ATG7: variants seen among roughly 807,000 people sequenced by gnomAD.
ATG7 encodes the protein autophagy related 7, also known as ubiquitin-like modifier-activating enzyme ATG7.
Under a neutral mutation model 82.4 loss-of-function variants are expected in ATG7, and 70 were observed. The observed-to-expected ratio is 0.85, with a 90% CI of 0.70 to 1.04. The LOEUF (loss-of-function observed/expected upper bound fraction) is 1.04, where lower values mean the gene tolerates loss of function less well. Ranked by LOEUF, ATG7 falls within the 50% of genes least tolerant of loss-of-function variation. The probability of loss-of-function intolerance (pLI) is 0.00; values close to 1 mark genes in which losing one functional copy is unlikely to be tolerated. For synonymous variants in ATG7, 287 were observed against 313.0 expected (o/e 0.92, Z 0.88); for missense variants, 792 against 864.3 (o/e 0.92, Z 1.05).
chr3:11,573,764 G>A, the ATG7 span, among the ~76,000 whole-genome samples: 2 of 152,196 alleles, frequency 1.3e-5, no homozygotes, highest in African/African-American at 2.4e-5. Flanking sequence ...TTTAATTTCT[G>A]TAATGGGTTG....
At chr3:11,551,752 TC>T (rs1264116369) in intron 20 of ATG7, among the ~76,000 whole-genome samples, 1 of 138,452 alleles carries the variant, frequency 7.2e-6, no homozygotes, top group Non-Finnish European at 1.6e-5. Flanking sequence ...TCTTTTCTTT[TC>T]TTTTTTTTTT....
intron 20 of ATG7, among the ~76,000 whole-genome samples, chr3:11,459,679 C>T (rs995012769): frequency 6.6e-6 from 1 of 152,130 alleles, no homozygotes; most frequent in Non-Finnish European, 1.5e-5. Flanking sequence ...AGGAAATATA[C>T]TGGCACAATT....
At chr3:11,278,158 A>G (rs1942298610) in intron 1 of ATG7, among the ~76,000 whole-genome samples, 2 of 152,198 alleles carry the variant, frequency 1.3e-5, no homozygotes, top group Admixed American at 1.3e-4. Flanking sequence ...ATGTTTTACA[A>G]TCAATTTGTA....
the ATG7 span, among the ~76,000 whole-genome samples, chr3:11,571,707 C>T: frequency 1.3e-5 from 2 of 152,184 alleles, no homozygotes; most frequent in Non-Finnish European, 2.9e-5. Context: ...GGTAGTGTCC[C>T]TCTTTTTGCT....
intron 3 of ATG7, among the ~76,000 whole-genome samples, chr3:11,282,829 C>G (rs921537503): frequency 2.6e-5 from 4 of 152,346 alleles, no homozygotes; most frequent in African/African-American, 4.8e-5. Context: ...TGCATTGGCT[C>G]CATATGCCAA....
In ATG7 at chr3:11,310,995, G is replaced by A. The variant is rs371769422; in HGVS notation, c.411+1934G>A. ...GTTAAAGATTTCTAGTTACTTGAAC[G>A]TCAGTACGCTTTCTGTACCAAGAAT... On this transcript the variant is annotated intron_variant, in intron 7 of 20. Transcript: ENST00000693202. 4.8e-4 allele frequency among the ~76,000 whole-genome samples: 73 copies of A among 152,236 alleles called. 1 individual carries two copies. The highest frequency in any genetic ancestry group is 1.6e-3 in the African/African-American group (67 of 41,542).
At chr3:11,291,526 A>C (rs374602080) in intron 3 of ATG7, among the ~76,000 whole-genome samples, 1 of 152,322 alleles carries the variant, frequency 6.6e-6, no homozygotes. Flanking sequence ...CCAGTGTCTC[A>C]GTTTTCTCTT....
intron 20 of ATG7, among the ~76,000 whole-genome samples, chr3:11,540,773 A>G (rs2070744854): frequency 1.3e-5 from 2 of 152,106 alleles, no homozygotes; most frequent in African/African-American, 4.8e-5. Flanking sequence ...AAAGTTTTGA[A>G]TTCTGAAGTT....
intron 11 of ATG7, among the ~76,000 whole-genome samples, chr3:11,334,481 T>C (rs1952096721): frequency 6.6e-6 from 1 of 151,544 alleles, no homozygotes; most frequent in Admixed American, 6.6e-5. Flanking sequence ...TGACCTCAAG[T>C]GATCCACCCA....
intron 9 of ATG7, among the ~76,000 whole-genome samples, chr3:11,327,883 T>G (rs1035358066): frequency 7.9e-5 from 12 of 152,212 alleles, no homozygotes; most frequent in African/African-American, 2.7e-4. Context: ...AGGCCGGGGA[T>G]TCTGCATTTC....
At chr3:11,514,726 G>C (rs1210662185) in intron 20 of ATG7, among the ~76,000 whole-genome samples, 4 of 152,152 alleles carry the variant, frequency 2.6e-5, no homozygotes, top group Non-Finnish European at 5.9e-5. Flanking sequence ...GCCTCTGGCA[G>C]GTACAAATTA....
intron 20 of ATG7, among the ~76,000 whole-genome samples, chr3:11,464,404 T>A (rs970408882): frequency 6.6e-5 from 10 of 152,194 alleles, no homozygotes; most frequent in African/African-American, 2.2e-4. Context: ...ATGTATTCAG[T>A]AAATCTTTTC....
At position 11,510,200 on chromosome 3, in the gene ATG7, A is replaced by T. The variant is rs990321706; in HGVS notation, c.2080-44611A>T. 144 of 456,320 alleles carry T rather than the reference A, an allele frequency of 3.2e-4. 1 individual carries two copies. In the Admixed American group the frequency reaches 3.3e-3, roughly 11 times the overall value. 28.3% of individuals were successfully genotyped at this position (456,320 alleles called of 1,614,324 possible). ...CCCCTTTCAGGATCATCTTTCTTTC[A>T]TCCGGCCCAAGAATGGCACCTTCCC... is the stretch of plus-strand genomic sequence containing the variant. On this transcript the variant is annotated intron_variant, in intron 20 of 20. Transcript: ENST00000693202.
At chr3:11,483,629 A>G (rs1484004650) in intron 20 of ATG7, among the ~76,000 whole-genome samples, 2 of 152,190 alleles carry the variant, frequency 1.3e-5, no homozygotes, top group Non-Finnish European at 2.9e-5. Context: ...TGCCATATTC[A>G]AATCCTTGTA....
chr3:11,374,601 T>G lies in ATG7; in HGVS notation c.1876-5371T>G, dbSNP rs546105422. Among the ~76,000 whole-genome samples, 9 of 152,244 alleles carry G rather than the reference T, an allele frequency of 5.9e-5. No homozygotes were observed. The South Asian group carries it at 1.2e-3, about 21-fold the overall frequency. ...GTAGGACTGCACTAAAATAAACTGT[T>G]GTGCTTCAAGAAAGCACAAAAAGTC... On this transcript the variant is annotated intron_variant, in intron 18 of 20. Transcript: ENST00000693202.
chr3:11,305,489 G>A (rs1443638283), intron 5 of ATG7, among the ~76,000 whole-genome samples: 1 of 152,176 alleles, frequency 6.6e-6, no homozygotes, highest in Admixed American at 6.5e-5. Flanking sequence ...TCCTGTTTCA[G>A]CAGTAATTTC....
the ATG7 span, among the ~76,000 whole-genome samples, chr3:11,565,174 G>A: frequency 4.6e-5 from 7 of 152,100 alleles, no homozygotes; most frequent in East Asian, 1.9e-4. This position sits in a 1 kb window ranked among gnomAD's most constrained non-coding sequence, Gnocchi z 4.1. Flanking sequence ...TTGCCAGCCC[G>A]GGTCAGCCGG....
intron 20 of ATG7, among the ~76,000 whole-genome samples, chr3:11,483,331 A>G (rs2089233364): frequency 6.6e-6 from 1 of 152,200 alleles, no homozygotes; most frequent in South Asian, 2.1e-4. Context: ...AAATCACCAT[A>G]TAGTCTTTCT....
At chr3:11,360,531 G>T in intron 15 of ATG7, 50 bp from the exon 16 acceptor site, 1 of 1,546,098 alleles carries the variant, frequency 6.5e-7, no homozygotes. Context: ...GCCACAGCTT[G>T]AAATATATGT....
Sources: gnomAD v4.1 joint callset for allele counts (sites outside exome capture counted in the v4.1 genomes callset) on GRCh38, gnomAD v4.1.1 for gene constraint, Gnocchi (gnomAD v3.1) non-coding constraint, MANE v1.5 for transcripts, NCBI Gene and HGNC (gene_info 2026-07-23, HGNC 2026-07-21) for gene names.